The following ZGRF1 variants were observed in gnomAD, a reference collection of about 807,000 sequenced individuals.
ZGRF1 encodes the protein 5'-3' DNA helicase ZGRF1.
In ZGRF1, 196 loss-of-function variants were observed where a neutral mutation model predicts 203.5. The ratio of observed to expected loss-of-function variants is 0.96; its 90% CI spans 0.86 to 1.08. ZGRF1 has a LOEUF of 1.08. ZGRF1 is among the 50% of genes least tolerant of loss of function. The pLI is 0.00. For synonymous variants in ZGRF1, 809 were observed against 841.3 expected (o/e 0.96, Z 0.66); for missense variants, 2,326 against 2,416.3 (o/e 0.96, Z 0.78).
intron 16 of ZGRF1, among the ~76,000 whole-genome samples, chr4:112,577,458 G>A (rs1420421029): frequency 8.2e-6 from 1 of 122,610 alleles, no homozygotes; most frequent in African/African-American, 2.8e-5. Flanking sequence ...TGGGCTAAAT[G>A]CTCCAATTAA....
intron 10 of ZGRF1, among the ~76,000 whole-genome samples, chr4:112,601,177 G>A (rs1308212281): frequency 2.6e-5 from 4 of 151,788 alleles, no homozygotes; most frequent in Admixed American, 6.6e-5. Context: ...TTGGGGGGCT[G>A]AGGCAGGAAG....
chr4:112,566,521 A>AT (rs1743121453), intron 16 of ZGRF1, among the ~76,000 whole-genome samples: 1 of 150,036 alleles, frequency 6.7e-6, no homozygotes, highest in Non-Finnish European at 1.5e-5. Context: ...AAATAAATAA[A>AT]AAATAAATTT....
At chr4:112,630,010 CT>C in intron 3 of ZGRF1, 5 of 205,618 alleles carry the variant, frequency 2.4e-5, no homozygotes, top group South Asian at 5.9e-5. Flanking sequence ...CAGAGCAAGA[CT>C]CTGTCTAAAA....
rs951984574 is a variant in ZGRF1 at position 112,619,461 on chromosome 4, G to A, written c.581C>T (p.Ser194Leu). ...AATCTGGAAGGATGGAGAAAAAACC[G>A]AAGAAAAATCCATGGCATTTCTCTC... The part of the protein sequence containing the change: ...NRERNAMDFS[S>L]VFSPSFQINP... The change falls in exon 6 of 28, where the codon TCG (serine) becomes TTG (leucine). Residue 194 changes from serine to leucine, a missense_variant. By Grantham distance (145) the Ser-to-Leu change is moderately radical. Coordinates refer to ENST00000505019, the MANE Select transcript of ZGRF1 (RefSeq NM_018392.5). 1.4e-5 allele frequency: 22 copies of A among 1,611,424 alleles called. No individual in the cohort carries two copies. The highest frequency in any genetic ancestry group is 2.2e-5 in the East Asian group (1 of 44,836).
At chr4:112,605,913 G>T (rs1750701663) in intron 9 of ZGRF1, 95 bp downstream of exon 9, 2 of 818,500 alleles carry the variant, frequency 2.4e-6, no homozygotes, top group East Asian at 2.5e-5. Context: ...CCTTCTGCCT[G>T]TGAAAACTCT....
At chr4:112,555,378 A>G (rs1740750718) in intron 20 of ZGRF1, among the ~76,000 whole-genome samples, 1 of 152,196 alleles carries the variant, frequency 6.6e-6, no homozygotes, top group Admixed American at 6.6e-5. Flanking sequence ...ACACAGGTGG[A>G]ACTCAGTGAA....
intron 16 of ZGRF1, chr4:112,564,920 A>G: frequency 1.4e-6 from 1 of 706,932 alleles, no homozygotes; most frequent in Non-Finnish European, 2.6e-6. Flanking sequence ...CTCCAACGCC[A>G]GCGCCGCCTG....
At chr4:112,606,653 G>A (rs1274483005) in intron 8 of ZGRF1, among the ~76,000 whole-genome samples, 4 of 140,490 alleles carry the variant, frequency 2.8e-5, no homozygotes, top group South Asian at 2.2e-4. Flanking sequence ...GCAAAACTCC[G>A]TCTCAAAAAA....
intron 3 of ZGRF1, among the ~76,000 whole-genome samples, chr4:112,631,541 G>A (rs1025820521): frequency 5.9e-5 from 9 of 151,858 alleles, no homozygotes; most frequent in East Asian, 1.9e-4. Context: ...GCATGGTGTC[G>A]GGTGCCTGTA....
chr4:112,564,936 G>C, intron 16 of ZGRF1: 1 of 763,216 alleles, frequency 1.3e-6, no homozygotes, highest in Non-Finnish European at 2.4e-6. Flanking sequence ...GCCTGTCGCT[G>C]ACCAAGCTCC....
chr4:112,561,162 A>G, intron 18 of ZGRF1, 167 bp from the exon 19 acceptor site: 1 of 607,836 alleles, frequency 1.6e-6, no homozygotes. Context: ...ATACTCCAAT[A>G]TCGAGGAGGG....
intron 23 of ZGRF1, 125 bp from the exon 24 acceptor site, chr4:112,547,533 T>C (rs896501152): frequency 1.2e-6 from 1 of 820,902 alleles, no homozygotes; most frequent in Admixed American, 2.9e-5. Context: ...TGAGTACTAA[T>C]AAAGCTTAGT....
intron 6 of ZGRF1, among the ~76,000 whole-genome samples, chr4:112,613,918 G>A (rs1259348287): frequency 6.6e-6 from 1 of 152,024 alleles, no homozygotes; most frequent in Non-Finnish European, 1.5e-5. Flanking sequence ...TGCTATTTAT[G>A]ATTTCATTGT....
intron 18 of ZGRF1, 24 bp from the exon 19 acceptor site, chr4:112,561,019 CA>C (rs1741872588): frequency 1.3e-6 from 2 of 1,561,950 alleles, no homozygotes; most frequent in Non-Finnish European, 8.8e-7. Context: ...AGCAAATAAA[CA>C]ATTTTAAAAA....
rs533483207 is a variant in ZGRF1 at position 112,636,026 on chromosome 4, T to C, written c.-67+825A>G. ...TTAGAAGAGCTCTAATACTTATTCA[T>C]TGAAAGTCAACACCCTTTCTTATCT... On this transcript the variant is annotated intron_variant, in intron 1 of 27. Transcript: ENST00000505019. 8.5e-5 allele frequency among the ~76,000 whole-genome samples: 13 copies of C among 152,246 alleles called. 1 individual carries two copies. The highest frequency in any genetic ancestry group is 5.2e-4 in the Admixed American group (8 of 15,290).
In ZGRF1 at chr4:112,605,074, C is replaced by G. The variant is rs547263141; in HGVS notation, c.2802+934G>C. The stretch of plus-strand genomic sequence containing the variant: ...TAAACATTGCAATAAAAATGAGTCT[C>G]AACTGTTAAAGATTCTGTATATTTC... On this transcript the variant is annotated intron_variant, in intron 9 of 27. Coordinates refer to ENST00000505019, the MANE Select transcript of ZGRF1 (RefSeq NM_018392.5). Among the ~76,000 whole-genome samples the G allele has an allele frequency of 1.3e-4, 20 of 152,078 alleles. 1 individual carries two copies. In the South Asian group the frequency reaches 3.5e-3, roughly 27 times the overall value.
intron 10 of ZGRF1, among the ~76,000 whole-genome samples, chr4:112,590,770 CA>C (rs1481920128): frequency 6.6e-6 from 1 of 151,656 alleles, no homozygotes; most frequent in Non-Finnish European, 1.5e-5. Flanking sequence ...TACTAAAATA[CA>C]AAAAATTAGC....
Position 112,587,342 on chromosome 4 carries a change from C to T in ZGRF1, c.3715G>A (p.Glu1239Lys), listed in dbSNP as rs758901444. 1 of 1,613,602 alleles carries T rather than the reference C, an allele frequency of 6.2e-7. No homozygotes were observed. ...CCTCCTAATACATTTTTAATTTCCT[C>T]TGTCTTAGAAGTCTGCTTTAAATTC... ...SLNLKQTSKT[E>K]EIKNVLGGST... The change falls in exon 12 of 28, where the codon GAG (glutamate) becomes AAG (lysine). Residue 1239 changes from glutamate (E) to lysine (K), a missense_variant. Coordinates refer to ENST00000505019, the MANE Select transcript of ZGRF1 (RefSeq NM_018392.5).
Position 112,587,496 on chromosome 4 carries a change from T to C in ZGRF1, c.3561A>G (p.Arg1187=). 6.2e-7 allele frequency: 1 copy of C among 1,613,816 alleles called. No individual in the cohort carries two copies. The highest frequency in any genetic ancestry group is 8.5e-7 in the Non-Finnish European group (1 of 1,179,726). The change falls in exon 12 of 28, where the codon AGA becomes AGG. Residue 1187 remains arginine (R), a synonymous_variant. Transcript: ENST00000505019. ...AGCTTTCATTGACAGCATCACTCTG[T>C]CTTTCACTTGTGTCTCTAAAATGCA... The part of the protein sequence containing the change: ...SGMHFRDTSE[R]QSDAVNESSL...
Sources: gnomAD v4.1 joint callset for allele counts (sites outside exome capture counted in the v4.1 genomes callset) on GRCh38, gnomAD v4.1.1 for gene constraint, MANE v1.5 for transcripts, NCBI Gene and HGNC (gene_info 2026-07-23, HGNC 2026-07-21) for gene names.